COL4A4: variants seen among roughly 807,000 people sequenced by gnomAD.
COL4A4 encodes the protein collagen alpha-4(IV) chain.
A neutral mutation model predicts 192.9 loss-of-function variants in COL4A4; 105 were observed. The ratio of observed to expected loss-of-function variants is 0.54; its 90% CI spans 0.46 to 0.64. The LOEUF is 0.64. COL4A4 is among the 30% of genes least tolerant of loss of function. The pLI, the probability that COL4A4 is intolerant of heterozygous loss-of-function variation, is 0.00. For synonymous variants in COL4A4, 762 were observed against 769.9 expected, an observed-to-expected ratio of 0.99 and a Z score of 0.17; for missense variants, 1,967 against 2,169.3, an observed-to-expected ratio of 0.91 and a Z score of 1.85.
chr2:227,102,786 T>C lies in COL4A4; in HGVS notation c.930+3A>G. On this transcript the variant is annotated splice_donor_region_variant and intron_variant, in intron 15 of 47. Transcript: ENST00000396625. The stretch of plus-strand genomic sequence containing the variant: ...ACTGATGTTAACAGCAAATGATGCT[T>C]ACCCGAGGCCCTGGAAATCCAGGAA... 5.0e-6 allele frequency: 8 copies of C among 1,612,580 alleles called. No individual in the cohort carries two copies. Among genetic ancestry groups the C allele is most frequent in the Non-Finnish European group, 6.8e-6 (8 of 1,178,608 alleles).
In COL4A4 at chr2:227,050,116, G is replaced by C. The variant is rs902831328; in HGVS notation, c.3166C>G (p.Pro1056Ala). 1.2e-6 allele frequency: 2 copies of C among 1,614,156 alleles called. No individual in the cohort carries two copies. Among genetic ancestry groups the C allele is most frequent in the Non-Finnish European group, 1.7e-6 (2 of 1,180,012 alleles). Residue 1056 changes from proline to alanine, a missense_variant, in exon 34 of 48, where the codon CCA becomes GCA. By Grantham distance (27) the Pro-to-Ala change is conservative. Transcript: ENST00000396625. Reference sequence around the variant, plus strand: ...ATTCCTGAAAATCCAGGGGGACCTGGAGAACCTGGCTCACCCTGACAGTTT... The same window carrying C: ...ATTCCTGAAAATCCAGGGGGACCTGCAGAACCTGGCTCACCCTGACAGTTT... ...LPGDQGEPGS[P>A]GPPGFSGIDG...
chr2:227,119,234 T>C (rs1465411545), intron 6 of COL4A4, among the ~76,000 whole-genome samples: 1 of 151,976 alleles, frequency 6.6e-6, no homozygotes, highest in Admixed American at 6.6e-5. Context: ...TCTAACCTGT[T>C]AGAAAACGTT....
chr2:227,044,314 C>T (rs1008242133), intron 35 of COL4A4, among the ~76,000 whole-genome samples: 24 of 152,118 alleles, frequency 1.6e-4, no homozygotes, highest in Admixed American at 5.9e-4. Context: ...ACTATTTCCC[C>T]GTGTGTTTAT....
At position 227,052,341 on chromosome 2, in the gene COL4A4, C is replaced by G; in HGVS notation, c.2932G>C (p.Gly978Arg). 2.5e-6 allele frequency: 4 copies of G among 1,612,868 alleles called. No homozygotes were observed. The highest frequency in any genetic ancestry group is 2.5e-6 in the Non-Finnish European group (3 of 1,178,874). Residue 978 changes from glycine (G) to arginine (R), a missense_variant, in exon 32 of 48, where the codon GGA (glycine) becomes CGA (arginine). Physicochemically the swap from Gly to Arg is moderately radical, Grantham distance 125. Transcript: ENST00000396625. ...ISQKGTPGEP[G>R]PPGDDGFPGE... Reference sequence around the variant, plus strand: ...GGGAATCCATCATCTCCAGGAGGTCCAGGTTCCCCAGGTGTTCCCTTTTGT... The same window carrying G: ...GGGAATCCATCATCTCCAGGAGGTCGAGGTTCCCCAGGTGTTCCCTTTTGT...
the COL4A4 span, among the ~76,000 whole-genome samples, chr2:226,991,552 T>C: frequency 2.0e-5 from 3 of 152,244 alleles, no homozygotes; most frequent in African/African-American, 7.2e-5. Flanking sequence ...TGATTCTTGA[T>C]GATGTTAGAG....
downstream of COL4A4, among the ~76,000 whole-genome samples, chr2:227,000,081 T>G (rs1273015044): frequency 6.6e-6 from 1 of 152,244 alleles, no homozygotes; most frequent in Non-Finnish European, 1.5e-5. Context: ...CTTTACAAGA[T>G]CCTCTCCCTC....
chr2:227,106,310 C>G (rs2060840390), intron 12 of COL4A4, among the ~76,000 whole-genome samples: 1 of 152,084 alleles, frequency 6.6e-6, no homozygotes, highest in East Asian at 1.9e-4. Context: ...GAACAAAACC[C>G]TTAAAAGCTG....
At chr2:227,152,968 G>A (rs994459874) in intron 1 of COL4A4, among the ~76,000 whole-genome samples, 7 of 152,150 alleles carry the variant, frequency 4.6e-5, no homozygotes, top group African/African-American at 1.7e-4. Context: ...AAAGGAAAGG[G>A]GTTAATTGAC....
chr2:227,057,309 T>G, intron 29 of COL4A4, 130 bp downstream of exon 29: 1 of 1,088,552 alleles, frequency 9.2e-7, no homozygotes, highest in Non-Finnish European at 1.3e-6. Context: ...ATGAAACTCA[T>G]GAGTAACGAA....
chr2:227,081,890 T>C (rs1010375605), intron 23 of COL4A4, among the ~76,000 whole-genome samples: 4 of 152,176 alleles, frequency 2.6e-5, no homozygotes, highest in Admixed American at 2.0e-4. Flanking sequence ...ATAATGAAGA[T>C]GTGAATGTGT....
Position 227,042,140 on chromosome 2 carries a change from T to A in COL4A4, c.3505+8A>T. ...CTTTCTTGTGGGATGGGCTTCATTT[T>A]GACTTACCTTTTATTCCCGGAGGAC... On this transcript the variant is annotated splice_region_variant and intron_variant, in intron 37 of 47. Coordinates refer to ENST00000396625, the MANE Select transcript of COL4A4 (RefSeq NM_000092.5). The A allele has an allele frequency of 6.4e-7, 1 of 1,563,658 alleles. No individual in the cohort carries two copies. The highest frequency in any genetic ancestry group is 8.8e-7 in the Non-Finnish European group (1 of 1,133,982).
At chr2:227,132,156 G>A (rs1220972614) in intron 4 of COL4A4, among the ~76,000 whole-genome samples, 4 of 152,234 alleles carry the variant, frequency 2.6e-5, no homozygotes, top group East Asian at 3.9e-4. Flanking sequence ...CCCTGACCCC[G>A]ATATGCTCCC....
chr2:227,153,307 T>C (rs1168675352), intron 1 of COL4A4, among the ~76,000 whole-genome samples: 4 of 152,172 alleles, frequency 2.6e-5, no homozygotes, highest in African/African-American at 4.8e-5. Flanking sequence ...AGCACTAACA[T>C]TGCAGACAAC....
chr2:227,025,710 T>C, intron 43 of COL4A4, 92 bp downstream of exon 43: 1 of 1,164,586 alleles, frequency 8.6e-7, no homozygotes, highest in Non-Finnish European at 1.3e-6. Flanking sequence ...TGTAACAAAG[T>C]TTAGCTCACA....
intron 20 of COL4A4, among the ~76,000 whole-genome samples, chr2:227,091,311 A>G (rs4600643): frequency 0.071 from 10,502 of 148,618 alleles, 672 homozygotes; most frequent in African/African-American, 0.16. Context: ...TAAATAGATC[A>G]TGAGAGCAGA....
At chr2:227,091,312 T>C (rs2059917219) in intron 20 of COL4A4, among the ~76,000 whole-genome samples, 1 of 144,750 alleles carries the variant, frequency 6.9e-6, no homozygotes, top group Admixed American at 6.9e-5. Flanking sequence ...AAATAGATCA[T>C]GAGAGCAGAA....
intron 19 of COL4A4, 125 bp from the exon 20 acceptor site, chr2:227,094,414 G>A (rs1341307732): frequency 2.2e-6 from 2 of 899,682 alleles, no homozygotes; most frequent in South Asian, 1.6e-5. Context: ...AGACGGAGCT[G>A]GAGGTCATTA....
the COL4A4 span, among the ~76,000 whole-genome samples, chr2:226,976,049 G>T: frequency 3.9e-4 from 59 of 151,926 alleles, no homozygotes; most frequent in African/African-American, 1.4e-3. Flanking sequence ...AGTCCTGGCT[G>T]TTTGGTTTGG....
chr2:227,113,211 G>A (rs909877523), intron 8 of COL4A4, among the ~76,000 whole-genome samples: 1 of 152,266 alleles, frequency 6.6e-6, no homozygotes, highest in East Asian at 1.9e-4. Flanking sequence ...CCATGTAGTT[G>A]CCAACAATTG....
Sources: gnomAD v4.1 joint callset for allele counts (sites outside exome capture counted in the v4.1 genomes callset) on GRCh38, gnomAD v4.1.1 for gene constraint, MANE v1.5 for transcripts, NCBI Gene and HGNC (gene_info 2026-07-23, HGNC 2026-07-21) for gene names.